The following PRKAR2B variants were observed in gnomAD, a reference collection of about 807,000 sequenced individuals.
The protein encoded by PRKAR2B is cAMP-dependent protein kinase type II-beta regulatory subunit.
PRKAR2B carries 14 observed loss-of-function variants against 49.9 expected under a neutral mutation model. The observed-to-expected ratio is 0.28, with a 90% CI of 0.19 to 0.44. The LOEUF (loss-of-function observed/expected upper bound fraction) is 0.44, where lower values mean the gene tolerates loss of function less well. PRKAR2B is among the 20% of genes least tolerant of loss of function. The pLI is 1.00. For missense variants in PRKAR2B, 393 were observed against 537.9 expected (o/e 0.73, Z 2.67); for synonymous variants, 196 against 197.7 (o/e 0.99, Z 0.07).
chr7:107,045,674 A>G (rs1039900323), intron 1 of PRKAR2B, among the ~76,000 whole-genome samples: 1 of 152,210 alleles, frequency 6.6e-6, no homozygotes, highest in Non-Finnish European at 1.5e-5. Flanking sequence ...GATTGGCTTT[A>G]CTGTTGTTAG....
In PRKAR2B at chr7:107,146,299, G is replaced by A. The variant is rs1795891149; in HGVS notation, c.588-9G>A. The A allele has an allele frequency of 3.1e-6, 5 of 1,612,552 alleles. No homozygotes were observed. The highest frequency in any genetic ancestry group is 4.2e-6 in the Non-Finnish European group (5 of 1,178,926). On this transcript the variant is annotated splice_polypyrimidine_tract_variant and intron_variant, in intron 5 of 10. Coordinates refer to ENST00000265717, the MANE Select transcript of PRKAR2B (RefSeq NM_002736.3). Reference sequence around the variant, plus strand: ...TTGAATTAACCTCCAATCTACATATGTCCAACAGAGGCACATTTGATATTT... The same window carrying A: ...TTGAATTAACCTCCAATCTACATATATCCAACAGAGGCACATTTGATATTT...
intron 3 of PRKAR2B, among the ~76,000 whole-genome samples, chr7:107,127,823 C>A (rs1432749798): frequency 1.3e-5 from 2 of 152,336 alleles, no homozygotes; most frequent in Middle Eastern, 3.4e-3. Context: ...TGACAGCAGT[C>A]CAAATTTTCA....
intron 1 of PRKAR2B, among the ~76,000 whole-genome samples, chr7:107,065,929 T>C (rs1254364636): frequency 6.6e-6 from 1 of 152,182 alleles, no homozygotes; most frequent in Non-Finnish European, 1.5e-5. Context: ...GGATTTTTCT[T>C]GTAAGGACAC....
chr7:107,155,944 A>G (rs1220945119), intron 8 of PRKAR2B, among the ~76,000 whole-genome samples: 1 of 152,228 alleles, frequency 6.6e-6, no homozygotes, highest in East Asian at 1.9e-4. Flanking sequence ...GAATGAGATA[A>G]TGTCCTTTGC....
At chr7:107,092,667 C>T (rs1794752050) in intron 2 of PRKAR2B, among the ~76,000 whole-genome samples, 1 of 152,140 alleles carries the variant, frequency 6.6e-6, no homozygotes, top group Admixed American at 6.5e-5. Context: ...TGTTTACTCA[C>T]ATACTTATTT....
intron 4 of PRKAR2B, among the ~76,000 whole-genome samples, chr7:107,138,418 T>C (rs1795736836): frequency 6.6e-6 from 1 of 152,230 alleles, no homozygotes; most frequent in African/African-American, 2.4e-5. Flanking sequence ...AATTCTATTT[T>C]ATTTTTTATT....
intron 2 of PRKAR2B, among the ~76,000 whole-genome samples, chr7:107,080,836 A>G (rs1584417411): frequency 6.6e-6 from 1 of 152,118 alleles, no homozygotes; most frequent in East Asian, 1.9e-4. Flanking sequence ...AGGGCCTACA[A>G]TGTGTTGGGC....
chr7:107,126,109 AG>A (rs1795479631), intron 3 of PRKAR2B, among the ~76,000 whole-genome samples: 1 of 147,336 alleles, frequency 6.8e-6, no homozygotes, highest in Non-Finnish European at 1.5e-5. Context: ...AAAAAAAAAA[AG>A]AGGCCAGGCG....
chr7:107,134,381 A>T (rs897519353), intron 4 of PRKAR2B, among the ~76,000 whole-genome samples: 1 of 152,168 alleles, frequency 6.6e-6, no homozygotes, highest in African/African-American at 2.4e-5. Flanking sequence ...GAGGTTCCAT[A>T]TTCTTTTTAA....
rs1385555772 is a variant in PRKAR2B at position 107,092,268 on chromosome 7, T to TGC, written c.343+21954_343+21955dup. On this transcript the variant is annotated intron_variant, in intron 2 of 10. Transcript: ENST00000265717. ...AGTTGTGTGTGTGTGTGTGTGTGTGTGCGTGTGTCTGTGTGTGTGTGTGTG... is the reference window on the plus strand; with the variant it reads ...AGTTGTGTGTGTGTGTGTGTGTGTGTGCGCGTGTGTCTGTGTGTGTGTGTGTG... Among the ~76,000 whole-genome samples, 61 of 148,582 alleles carry TGC rather than the reference T, an allele frequency of 4.1e-4. No homozygotes were observed. In the Middle Eastern group the frequency reaches 0.011, roughly 26 times the overall value.
chr7:107,145,666 A>G (rs1004313590), intron 5 of PRKAR2B, among the ~76,000 whole-genome samples: 1 of 150,126 alleles, frequency 6.7e-6, no homozygotes, highest in African/African-American at 2.5e-5. Flanking sequence ...TGATCCTCTT[A>G]CCTTGGACTT....
chr7:107,045,502 G>A (rs1219364185), intron 1 of PRKAR2B, among the ~76,000 whole-genome samples: 1 of 152,212 alleles, frequency 6.6e-6, no homozygotes, highest in Non-Finnish European at 1.5e-5. Flanking sequence ...TGGGCCGGTT[G>A]GGGTGGGCAT....
At chr7:107,108,756 GC>G (rs1187993316) in intron 2 of PRKAR2B, among the ~76,000 whole-genome samples, 1 of 152,202 alleles carries the variant, frequency 6.6e-6, no homozygotes, top group Non-Finnish European at 1.5e-5. Flanking sequence ...TAGCTCCAGA[GC>G]CCCAATTTTT....
chr7:107,097,964 T>C (rs550943588), intron 2 of PRKAR2B, among the ~76,000 whole-genome samples: 3 of 152,352 alleles, frequency 2.0e-5, no homozygotes, highest in Non-Finnish European at 4.4e-5. Flanking sequence ...ATTTCAACTT[T>C]GGTGAATCTG....
chr7:107,070,028 G>A (rs1794232385), intron 1 of PRKAR2B: 1 of 314,092 alleles, frequency 3.2e-6, no homozygotes, highest in Non-Finnish European at 5.9e-6. Flanking sequence ...AGTAGTTTTA[G>A]CTGTCTGTAA....
intron 6 of PRKAR2B, among the ~76,000 whole-genome samples, chr7:107,149,915 T>C (rs1409009537): frequency 6.6e-6 from 1 of 152,144 alleles, no homozygotes; most frequent in Non-Finnish European, 1.5e-5. Context: ...CCATTCTCTA[T>C]GATGTGCATA....
chr7:107,157,025 A>G lies in PRKAR2B; in HGVS notation c.960A>G (p.Glu320=). The G allele has an allele frequency of 6.2e-7, 1 of 1,612,512 alleles. No individual in the cohort carries two copies. The highest frequency in any genetic ancestry group is 8.5e-7 in the Non-Finnish European group (1 of 1,178,538). The part of the protein sequence containing the change: ...ADSFFIVESG[E]VKITMKRKGK... ...CTTTTTTCATTGTAGAATCTGGAGA[A>G]GTGAAAATTACTATGAAAAGAAAGG... Residue 320 remains glutamate, a synonymous_variant, in exon 9 of 11, where the codon GAA becomes GAG. Transcript: ENST00000265717.
chr7:107,067,635 GTAGT>G (rs1392342384), intron 1 of PRKAR2B, among the ~76,000 whole-genome samples: 1 of 152,214 alleles, frequency 6.6e-6, no homozygotes, highest in Non-Finnish European at 1.5e-5. Context: ...AGAAGACAGT[GTAGT>G]TAGATTGTCC....
chr7:107,125,533 A>G (rs1026421851), intron 3 of PRKAR2B, among the ~76,000 whole-genome samples: 2 of 152,220 alleles, frequency 1.3e-5, no homozygotes, highest in Non-Finnish European at 2.9e-5. Flanking sequence ...AGGTGGGATC[A>G]TGCTAAGCCC....
Sources: gnomAD v4.1 joint callset for allele counts (sites outside exome capture counted in the v4.1 genomes callset) on GRCh38, gnomAD v4.1.1 for gene constraint, MANE v1.5 for transcripts, NCBI Gene and HGNC (gene_info 2026-07-23, HGNC 2026-07-21) for gene names.